The following DPYD variants were observed in gnomAD, a reference collection of about 807,000 sequenced individuals.
The protein encoded by DPYD is dihydropyrimidine dehydrogenase, also known as dihydropyrimidine dehydrogenase [NADP(+)].
Under a neutral mutation model 116.2 loss-of-function variants are expected in DPYD, and 109 were observed. That is an observed-to-expected ratio of 0.94 (90% CI 0.80 to 1.10). DPYD has a LOEUF of 1.10. Ranked by LOEUF, DPYD falls within the 50% of genes least tolerant of loss-of-function variation. The pLI, the probability that DPYD is intolerant of heterozygous loss-of-function variation, is 0.00. For missense variants in DPYD, 1,302 were observed against 1,254.5 expected, an observed-to-expected ratio of 1.04 and a Z score of -0.57; for synonymous variants, 440 against 432.0, an observed-to-expected ratio of 1.02 and a Z score of -0.23.
intron 13 of DPYD, among the ~76,000 whole-genome samples, chr1:97,487,186 T>C (rs993063653): frequency 6.6e-6 from 1 of 152,086 alleles, no homozygotes; most frequent in South Asian, 2.1e-4. Flanking sequence ...ATCCACACAA[T>C]GGAGAATTAT....
intron 4 of DPYD, among the ~76,000 whole-genome samples, chr1:97,734,743 A>T (rs1663828809): frequency 6.6e-6 from 1 of 152,212 alleles, no homozygotes; most frequent in Non-Finnish European, 1.5e-5. Flanking sequence ...AATCAGTGGG[A>T]ATCATCTTAA....
At chr1:97,141,804 T>C (rs1315795999) in intron 20 of DPYD, among the ~76,000 whole-genome samples, 2 of 152,110 alleles carry the variant, frequency 1.3e-5, no homozygotes, top group African/African-American at 4.8e-5. Flanking sequence ...TGGATGGCAA[T>C]AGATGCCCAG....
In DPYD at chr1:97,862,899, A is replaced by G. The variant is rs558931132; in HGVS notation, c.150+20365T>C. The stretch of plus-strand genomic sequence containing the variant: ...TAACAAATATAGCAACAGGAAAAAC[A>G]TGCCCATTTGGACAAAATCATCACA... On this transcript the variant is annotated intron_variant, in intron 2 of 22. Coordinates refer to ENST00000370192, the MANE Select transcript of DPYD (RefSeq NM_000110.4). Among the ~76,000 whole-genome samples the G allele has an allele frequency of 2.5e-3, 377 of 152,096 alleles. 1 individual carries two copies. The highest frequency in any genetic ancestry group is 6.8e-3 in the Middle Eastern group (2 of 294).
At chr1:97,263,860 C>T (rs573973865) in intron 18 of DPYD, among the ~76,000 whole-genome samples, 32 of 152,088 alleles carry the variant, frequency 2.1e-4, no homozygotes, top group African/African-American at 7.7e-4. Context: ...AAAATAAACC[C>T]TACCACCACA....
At chr1:97,863,684 G>A (rs537041583) in intron 2 of DPYD, among the ~76,000 whole-genome samples, 15 of 151,862 alleles carry the variant, frequency 9.9e-5, no homozygotes, top group African/African-American at 3.4e-4. Context: ...TTTATACGAT[G>A]AACAATTCAT....
chr1:97,553,582 A>G (rs574935703), intron 11 of DPYD, among the ~76,000 whole-genome samples: 1 of 152,236 alleles, frequency 6.6e-6, no homozygotes, highest in Admixed American at 6.6e-5. Flanking sequence ...TGAAAAATGT[A>G]TATTTACATC....
In DPYD at chr1:97,208,196, TC is replaced by T. The variant is rs987785957; in HGVS notation, c.2443-14949del. Among the ~76,000 whole-genome samples the T allele has an allele frequency of 4.1e-3, 621 of 151,960 alleles. 1 individual carries two copies. The highest frequency in any genetic ancestry group is 0.014 in the African/African-American group (572 of 41,512). On this transcript the variant is annotated intron_variant, in intron 19 of 22. Coordinates refer to ENST00000370192, the MANE Select transcript of DPYD (RefSeq NM_000110.4). ...TTTCTTTCTTTCTTTTACTTTTTTT[TC>T]TTCCTCTTTCTTCTTTCTCTTTGTT... is the stretch of plus-strand genomic sequence containing the variant.
At chr1:97,628,681 C>A in intron 8 of DPYD, among the ~76,000 whole-genome samples, 1 of 151,882 alleles carries the variant, frequency 6.6e-6, no homozygotes, top group Admixed American at 6.6e-5. Context: ...CCAACTTAGA[C>A]TTACAAAATA....
intron 20 of DPYD, among the ~76,000 whole-genome samples, chr1:97,136,528 C>G (rs1653812887): frequency 6.6e-6 from 1 of 152,004 alleles, no homozygotes; most frequent in Non-Finnish European, 1.5e-5. Context: ...TTTCCCATGC[C>G]AGACTGGGGT....
chr1:97,464,615 G>T (rs1677208721), intron 13 of DPYD, among the ~76,000 whole-genome samples: 2 of 152,320 alleles, frequency 1.3e-5, no homozygotes, highest in African/African-American at 4.8e-5. Flanking sequence ...TCAGGCTGTT[G>T]CTTCAGAGCG....
At chr1:97,221,483 A>T (rs1660766135) in intron 19 of DPYD, among the ~76,000 whole-genome samples, 1 of 152,110 alleles carries the variant, frequency 6.6e-6, no homozygotes, top group Non-Finnish European at 1.5e-5. Flanking sequence ...AAATTAACAT[A>T]TGGAAAAGGC....
intron 2 of DPYD, among the ~76,000 whole-genome samples, chr1:97,876,723 G>A (rs1462143269): frequency 6.6e-6 from 1 of 151,952 alleles, no homozygotes; most frequent in East Asian, 1.9e-4. Context: ...TTCATTTCTT[G>A]AAGGAAATAA....
intron 3 of DPYD, among the ~76,000 whole-genome samples, chr1:97,782,537 G>A (rs536836139): frequency 5.6e-4 from 86 of 152,284 alleles, no homozygotes; most frequent in African/African-American, 1.8e-3. Context: ...TGGGGGCACT[G>A]CCATGTATAC....
chr1:97,398,216 G>A lies in DPYD; in HGVS notation c.1906-15755C>T, dbSNP rs546046456. 6.6e-4 allele frequency among the ~76,000 whole-genome samples: 101 copies of A among 152,158 alleles called. 4 individuals are homozygous for A. In the South Asian group the frequency reaches 0.02, roughly 31 times the overall value. ...GCGGTGTTTGGATTTCTGTCCTTGC[G>A]ATAGTGTGCTGAGAATGATGGTTTC... On this transcript the variant is annotated intron_variant, in intron 14 of 22. Transcript: ENST00000370192.
chr1:97,703,154 T>C (rs1437047081), intron 5 of DPYD, among the ~76,000 whole-genome samples: 1 of 152,044 alleles, frequency 6.6e-6, no homozygotes, highest in African/African-American at 2.4e-5. Context: ...TTACAACTTT[T>C]TATTGCACTA....
intron 14 of DPYD, among the ~76,000 whole-genome samples, chr1:97,445,035 C>T (rs968007587): frequency 1.1e-4 from 16 of 152,166 alleles, no homozygotes; most frequent in African/African-American, 3.6e-4. Flanking sequence ...CTTGAATAAA[C>T]TGTTCTCAGT....
intron 14 of DPYD, among the ~76,000 whole-genome samples, chr1:97,430,052 T>C (rs1398881248): frequency 6.6e-6 from 1 of 152,182 alleles, no homozygotes; most frequent in African/African-American, 2.4e-5. Context: ...GCTTGATAAT[T>C]AATTATTCAA....
chr1:97,792,848 G>C (rs1238899970), intron 3 of DPYD, among the ~76,000 whole-genome samples: 2 of 152,130 alleles, frequency 1.3e-5, no homozygotes, highest in East Asian at 3.9e-4. Context: ...CCTCAAAACT[G>C]TCAAGGTCAT....
chr1:97,893,757 C>A (rs1345011652), intron 1 of DPYD, among the ~76,000 whole-genome samples: 1 of 151,602 alleles, frequency 6.6e-6, no homozygotes, highest in African/African-American at 2.4e-5. Context: ...TCACACTCAA[C>A]AAGGTAAGGT....
Sources: allele counts gnomAD v4.1 joint callset (sites outside exome capture counted in the v4.1 genomes callset), GRCh38; gene constraint gnomAD v4.1.1; transcripts MANE v1.5; gene names NCBI Gene and HGNC (gene_info 2026-07-23, HGNC 2026-07-21).